Variants in CASP10 observed in about 807,000 individuals in gnomAD.
CASP10 encodes caspase-10.
Under a neutral mutation model 48.5 loss-of-function variants are expected in CASP10, and 41 were observed. The observed-to-expected ratio is 0.85, with a 90% CI of 0.66 to 1.10. CASP10 has a LOEUF of 1.10. Ranked by LOEUF, CASP10 falls within the 50% of genes least tolerant of loss-of-function variation. CASP10 has a pLI of 0.00. For missense variants in CASP10, 614 were observed against 614.5 expected (o/e 1.00, Z 0.01); for synonymous variants, 232 against 238.4 (o/e 0.97, Z 0.25).
chr2:201,228,099 G>C (rs1945812053), intron 9 of CASP10, among the ~76,000 whole-genome samples: 1 of 152,146 alleles, frequency 6.6e-6, no homozygotes, highest in Non-Finnish European at 1.5e-5. Context: ...ACTTTGGAAG[G>C]CCAAGGCAGG....
chr2:201,197,159 T>TTTTTTTGAGACGG (rs1944826296), intron 5 of CASP10, among the ~76,000 whole-genome samples: 1 of 152,072 alleles, frequency 6.6e-6, no homozygotes, highest in Non-Finnish European at 1.5e-5. Flanking sequence ...TTTTTTTTTA[T>TTTTTTTGAGACGG]AGAGATAAGG....
rs1276549073 is a variant in CASP10 at position 201,217,628 on chromosome 2, G to A, written c.1456G>A (p.Asp486Asn). Residue 486 changes from aspartate to asparagine, a missense_variant, in exon 10 of 10, where the codon GAT becomes AAT. Transcript: ENST00000286186. Reference sequence around the variant, plus strand: ...ATCCATCCTCACTGCTGTCAACGATGATGTGAGTCGAAGAGTGGACAAACA... The same window carrying A: ...ATCCATCCTCACTGCTGTCAACGATAATGTGAGTCGAAGAGTGGACAAACA... ...ILSILTAVND[D>N]VSRRVDKQGT... The A allele has an allele frequency of 1.2e-6, 2 of 1,614,066 alleles. No individual in the cohort carries two copies.
rs41387047 is a variant in CASP10 at position 201,193,382 on chromosome 2, A to G, written c.577+263A>G. 2,810 of 368,704 alleles carry G rather than the reference A, an allele frequency of 7.6e-3. 84 individuals are homozygous for G. Among genetic ancestry groups the G allele is most frequent in the African/African-American group, 0.054 (2,572 of 47,234 alleles). 22.8% of individuals were successfully genotyped at this position (368,704 alleles called of 1,614,324 possible). A position where few individuals can be genotyped will look rare whatever the true frequency, so the allele number is the denominator to read the frequency against. Reference sequence around the variant, plus strand: ...GCCACCACGCCTGGCTAATTTTTGTATTTTTAGTAGCGACAGGGTTTCACT... The same window carrying G: ...GCCACCACGCCTGGCTAATTTTTGTGTTTTTAGTAGCGACAGGGTTTCACT... On this transcript the variant is annotated intron_variant, in intron 4 of 9. Transcript: ENST00000286186.
Position 201,185,865 on chromosome 2 carries a change from A to G in CASP10, c.88A>G (p.Asn30Asp). 1 of 1,614,092 alleles carries G rather than the reference A, an allele frequency of 6.2e-7. No homozygotes were observed. Residue 30 changes from asparagine to aspartate, a missense_variant, in exon 2 of 10, where the codon AAC becomes GAC. By Grantham distance (23) the Asn-to-Asp change is conservative. Coordinates refer to ENST00000286186, the MANE Select transcript of CASP10 (RefSeq NM_032977.4). ...TGAGAAGCTTCTGATTATTGATTCA[A>G]ACCTGGGGGTCCAAGATGTGGAGAA... is the stretch of plus-strand genomic sequence containing the variant. ...FREKLLIIDS[N>D]LGVQDVENLK...
rs1945268414 is a variant in CASP10 at position 201,208,085 on chromosome 2, T to C, written c.824T>C (p.Val275Ala). 1 of 1,612,924 alleles carries C rather than the reference T, an allele frequency of 6.2e-7. No homozygotes were observed. The highest frequency in any genetic ancestry group is 1.3e-5 in the African/African-American group (1 of 74,868). The change falls in exon 8 of 10, where the codon GTG (valine) becomes GCG (alanine). Residue 275 changes from valine (V) to alanine (A), a missense_variant. By Grantham distance (64) the Val-to-Ala change is moderately conservative. Transcript: ENST00000286186. Reference protein sequence around the residue: ...NSETSTKRAAVYRMNRNHRGL... With the variant: ...NSETSTKRAAAYRMNRNHRGL... ...TATCTATTCTTCAAGAGGGCAGCTG[T>C]GTACAGGATGAATCGGAACCACAGA...
chr2:201,219,009 C>A lies in CASP10; in HGVS notation c.*1268C>A. ...TTTGGACTGGGTGCGGTGACTCATG[C>A]CTGTAATCCCAGTACTCTGGGAAGC... On this transcript the variant is annotated 3_prime_UTR_variant, in exon 10 of 10. Transcript: ENST00000286186. 1.0e-6 allele frequency: 1 copy of A among 983,190 alleles called. No homozygotes were observed. Among genetic ancestry groups the A allele is most frequent in the Non-Finnish European group, 1.2e-6 (1 of 827,874 alleles). 60.9% of individuals were successfully genotyped at this position (983,190 alleles called of 1,614,324 possible).
At chr2:201,198,922 TA>T (rs1256257409) in intron 5 of CASP10, among the ~76,000 whole-genome samples, 1 of 152,210 alleles carries the variant, frequency 6.6e-6, no homozygotes, top group Non-Finnish European at 1.5e-5. Context: ...TTTTTAGATT[TA>T]AAAATAATTT....
intron 7 of CASP10, 106 bp downstream of exon 7, chr2:201,206,079 G>A (rs763895921): frequency 1.9e-5 from 13 of 689,562 alleles, no homozygotes; most frequent in Non-Finnish European, 1.5e-5. Flanking sequence ...TCCAGCCTTC[G>A]ATGATTTTAA....
At chr2:201,229,205 T>C (rs1487846102) in exon 10 of CASP10, 6 of 1,165,814 alleles carry the variant, frequency 5.1e-6, no homozygotes, top group Admixed American at 3.4e-5. Flanking sequence ...GCCACAAAGT[T>C]GAGACTTCTG....
At chr2:201,187,069 A>G (rs1351855822) in intron 2 of CASP10, among the ~76,000 whole-genome samples, 1 of 152,150 alleles carries the variant, frequency 6.6e-6, no homozygotes, top group African/African-American at 2.4e-5. Context: ...AGGGTGTTTT[A>G]TGGTCTCTGC....
intron 2 of CASP10, 89 bp downstream of exon 2, chr2:201,186,213 A>G: frequency 2.1e-6 from 2 of 948,524 alleles, no homozygotes; most frequent in Non-Finnish European, 1.7e-6. Flanking sequence ...TGCAGTTAAG[A>G]TCTTTTGGTT....
rs1265463592 is a variant in CASP10, at chr2:201,218,067, C to T, written c.*326C>T. 2.9e-6 allele frequency: 2 copies of T among 701,384 alleles called. No homozygotes were observed. Among genetic ancestry groups the T allele is most frequent in the African/African-American group, 3.8e-5 (2 of 52,550 alleles). 43.4% of individuals were successfully genotyped at this position (701,384 alleles called of 1,614,324 possible). A position where few individuals can be genotyped will look rare whatever the true frequency, so the allele number is the denominator to read the frequency against. Reference sequence around the variant, plus strand: ...TAGCTGGGACCACAGGTGTGTACCACCGTGCCCGGATTTTTTTTATTCTTT... The same window carrying T: ...TAGCTGGGACCACAGGTGTGTACCATCGTGCCCGGATTTTTTTTATTCTTT... On this transcript the variant is annotated 3_prime_UTR_variant, in exon 10 of 10. Coordinates refer to ENST00000286186, the MANE Select transcript of CASP10 (RefSeq NM_032977.4).
In CASP10 at chr2:201,229,074, C is replaced by T. The variant is rs114536475; in HGVS notation, c.1557C>T (p.Ser519=). The change falls in exon 10 of 10, where the codon AGC becomes AGT. Residue 519 remains serine, a synonymous_variant. Coordinates refer to the CASP10 transcript ENST00000272879. The stretch of plus-strand genomic sequence containing the variant: ...GACCCCCCATGCGCAGGTGGAGCAG[C>T]GTTTCCTAGTTCTTTCCAGAGGCTT... 550 of 1,614,186 alleles carry T rather than the reference C, an allele frequency of 3.4e-4. 4 individuals are homozygous for T. In the African/African-American group the frequency reaches 5.4e-3, roughly 16 times the overall value.
intron 5 of CASP10, chr2:201,200,423 G>A (rs1559302592): frequency 3.1e-6 from 5 of 1,596,482 alleles, no homozygotes; most frequent in South Asian, 1.1e-5. Context: ...CTGTAAAGAA[G>A]GACCCTCCTT....
chr2:201,196,157 T>C (rs1197522892), intron 5 of CASP10: 2 of 549,564 alleles, frequency 3.6e-6, no homozygotes, highest in Admixed American at 3.1e-5. Flanking sequence ...TGACACTAGC[T>C]GACTAGTGAG....
chr2:201,219,090 C>G lies in CASP10; in HGVS notation c.*1349C>G. On this transcript the variant is annotated 3_prime_UTR_variant, in exon 10 of 10. Coordinates refer to ENST00000286186, the MANE Select transcript of CASP10 (RefSeq NM_032977.4). ...TTCGAGACCAGCCTGGCCAATACGGCAAAACCTCATCATTACTAAAAACAC... is the reference window on the plus strand; with the variant it reads ...TTCGAGACCAGCCTGGCCAATACGGGAAAACCTCATCATTACTAAAAACAC... The G allele has an allele frequency of 1.6e-6, 1 of 608,306 alleles. No homozygotes were observed. The highest frequency in any genetic ancestry group is 2.1e-6 in the Non-Finnish European group (1 of 485,588). 37.7% of individuals were successfully genotyped at this position (608,306 alleles called of 1,614,324 possible). A position where few individuals can be genotyped will look rare whatever the true frequency, so the allele number is the denominator to read the frequency against.
chr2:201,226,836 T>C (rs943879315), intron 9 of CASP10, among the ~76,000 whole-genome samples: 2 of 152,168 alleles, frequency 1.3e-5, no homozygotes, highest in African/African-American at 4.8e-5. Context: ...CCATATGAAA[T>C]TGCCATTCTT....
At chr2:201,212,359 T>G (rs1287845853) in intron 9 of CASP10, 1 of 152,204 alleles carries the variant, frequency 6.6e-6, no homozygotes, top group Non-Finnish European at 1.5e-5. Context: ...GAAGTAGGGC[T>G]GAGACTGGGG....
At chr2:201,193,653 G>A (rs1944690910) in intron 4 of CASP10, among the ~76,000 whole-genome samples, 1 of 152,220 alleles carries the variant, frequency 6.6e-6, no homozygotes, top group African/African-American at 2.4e-5. Context: ...AAAGTACAGA[G>A]CAAAGCTCCT....
Sources: gnomAD v4.1 joint callset for allele counts (sites outside exome capture counted in the v4.1 genomes callset) on GRCh38, gnomAD v4.1.1 for gene constraint, MANE v1.5 for transcripts, NCBI Gene and HGNC (gene_info 2026-07-23, HGNC 2026-07-21) for gene names.